The following ANGPTL2 variants were observed in gnomAD, a reference collection of about 807,000 sequenced individuals.
ANGPTL2 encodes the protein angiopoietin-related protein 2.
Under a neutral mutation model 52.8 loss-of-function variants are expected in ANGPTL2, and 25 were observed. That is an observed-to-expected ratio of 0.47 (90% CI 0.35 to 0.66). The LOEUF is 0.66. Among genes scored for constraint, ANGPTL2 ranks in the 30% least tolerant of loss-of-function variants. The pLI, the probability that ANGPTL2 is intolerant of heterozygous loss-of-function variation, is 0.01. For synonymous variants in ANGPTL2, 276 were observed against 277.4 expected (o/e 1.00, Z 0.05); for missense variants, 546 against 656.9 (o/e 0.83, Z 1.84).
chr9:127,108,260 G>T lies in ANGPTL2; in HGVS notation c.472C>A (p.Leu158Met). The T allele has an allele frequency of 1.9e-6, 3 of 1,614,042 alleles. No individual in the cohort carries two copies. The highest frequency in any genetic ancestry group is 1.7e-6 in the Non-Finnish European group (2 of 1,179,990). The stretch of plus-strand genomic sequence containing the variant: ...GTCTGGTTCAGGATCCTGTTCTCCA[G>T]CTGGGAGAGCTCCAACGCGTTGTCC... Reference protein sequence around the residue: ...KRDNALELSQLENRILNQTAD... With the variant: ...KRDNALELSQMENRILNQTAD... Residue 158 changes from leucine (L) to methionine (M), a missense_variant, in exon 2 of 5, where the codon CTG becomes ATG. Physicochemically the swap from Leu to Met is conservative, Grantham distance 15. Transcript: ENST00000373425.
intron 2 of ANGPTL2, among the ~76,000 whole-genome samples, chr9:127,097,454 C>CA (rs2053264849): frequency 6.6e-6 from 1 of 152,218 alleles, no homozygotes; most frequent in Non-Finnish European, 1.5e-5. Flanking sequence ...AATTCAAACA[C>CA]AATTTCCCTT....
rs148939606 is a variant in ANGPTL2 at position 127,116,546 on chromosome 9, C to G, written c.-50+5769G>C. ...GCTTCTGAGTTGGCTGCTGCATTTC[C>G]GGCAGTGCCTAGTGTGCTCTGGAGC... On this transcript the variant is annotated intron_variant, in intron 1 of 4. Coordinates refer to ENST00000373425, the MANE Select transcript of ANGPTL2 (RefSeq NM_012098.3). Among the ~76,000 whole-genome samples the G allele has an allele frequency of 4.0e-3, 614 of 152,340 alleles. 5 individuals are homozygous for G. The highest frequency in any genetic ancestry group is 0.013 in the African/African-American group (560 of 41,572).
rs774255661 is a variant in ANGPTL2, at chr9:127,108,119, G to T, written c.613C>A (p.Gln205Lys). 6.2e-7 allele frequency: 1 copy of T among 1,613,738 alleles called. No individual in the cohort carries two copies. The highest frequency in any genetic ancestry group is 8.5e-7 in the Non-Finnish European group (1 of 1,179,806). Residue 205 changes from glutamine (Q) to lysine (K), a missense_variant, in exon 2 of 5, where the codon CAG becomes AAG. This residue lies in a region of ANGPTL2 where 285 missense variants were observed against 295.8 expected (regional missense o/e 0.96). Coordinates refer to ENST00000373425, the MANE Select transcript of ANGPTL2 (RefSeq NM_012098.3). ...ACGGGCCTGGCCGAGGGCACCCTCT[G>T]GCAGTGCTCCTCAAGCTGCGCGATG... is the stretch of plus-strand genomic sequence containing the variant. ...EIIAQLEEHC[Q>K]RVPSARPVPQ...
chr9:127,097,249 G>A (rs2053230934), intron 2 of ANGPTL2, among the ~76,000 whole-genome samples: 2 of 152,200 alleles, frequency 1.3e-5, no homozygotes, highest in Admixed American at 6.5e-5. Flanking sequence ...TGTCTGTTAT[G>A]ATGTAGAAGA....
At chr9:127,115,685 A>G (rs554367504) in intron 1 of ANGPTL2, among the ~76,000 whole-genome samples, 3 of 152,368 alleles carry the variant, frequency 2.0e-5, no homozygotes, top group African/African-American at 7.2e-5. Context: ...AATGGCTGAG[A>G]TGCAGCTTGC....
intron 2 of ANGPTL2, 31 bp downstream of exon 2, chr9:127,107,884 C>T (rs777317658): frequency 3.8e-5 from 57 of 1,510,664 alleles, no homozygotes; most frequent in Non-Finnish European, 4.8e-5. Context: ...GCTCTGAGAC[C>T]CACATGTAAC....
At chr9:127,097,152 A>G (rs1041509583) in intron 2 of ANGPTL2, among the ~76,000 whole-genome samples, 2 of 152,240 alleles carry the variant, frequency 1.3e-5, no homozygotes, top group Non-Finnish European at 2.9e-5. Context: ...TTCTTTGTCG[A>G]GGTGTAAAAC....
intron 2 of ANGPTL2, among the ~76,000 whole-genome samples, chr9:127,102,897 G>A (rs182924564): frequency 4.6e-5 from 7 of 152,336 alleles, no homozygotes; most frequent in African/African-American, 1.4e-4. Context: ...ATTGTACAGT[G>A]GAAACAGCAC....
At chr9:127,102,099 C>T (rs928540720) in intron 2 of ANGPTL2, among the ~76,000 whole-genome samples, 1 of 152,138 alleles carries the variant, frequency 6.6e-6, no homozygotes, top group South Asian at 2.1e-4. Context: ...GTGTTCCCAT[C>T]AAGAGGTCTC....
intron 1 of ANGPTL2, among the ~76,000 whole-genome samples, chr9:127,113,434 A>C (rs1313082970): frequency 2.0e-5 from 3 of 147,092 alleles, no homozygotes; most frequent in Non-Finnish European, 4.5e-5. Flanking sequence ...AATGGGCAGT[A>C]ATAAGTTTGT....
intron 2 of ANGPTL2, among the ~76,000 whole-genome samples, chr9:127,102,324 C>T (rs772828735): frequency 2.2e-5 from 3 of 137,958 alleles, no homozygotes; most frequent in Non-Finnish European, 4.6e-5. Context: ...TAACTTAATA[C>T]TACTTTATTT....
chr9:127,104,626 C>T (rs957288714), intron 2 of ANGPTL2, among the ~76,000 whole-genome samples: 2 of 152,216 alleles, frequency 1.3e-5, no homozygotes, highest in Admixed American at 6.5e-5. Context: ...TCTCAGTAGG[C>T]CATCCTGGCC....
intron 2 of ANGPTL2, among the ~76,000 whole-genome samples, chr9:127,098,397 G>T (rs747090482): frequency 1.3e-5 from 2 of 152,098 alleles, no homozygotes; most frequent in Non-Finnish European, 2.9e-5. Context: ...CGAGTGCTGC[G>T]ACCTCATCTC....
chr9:127,117,791 T>C (rs1173460918), intron 1 of ANGPTL2, among the ~76,000 whole-genome samples: 1 of 152,242 alleles, frequency 6.6e-6, no homozygotes, highest in Non-Finnish European at 1.5e-5. Context: ...ACACAGCCTT[T>C]CCCTCATGGA....
intron 1 of ANGPTL2, among the ~76,000 whole-genome samples, chr9:127,117,647 G>A (rs1434484953): frequency 1.3e-5 from 2 of 152,218 alleles, no homozygotes; most frequent in Non-Finnish European, 2.9e-5. Flanking sequence ...GAATGGTGTG[G>A]CACCCTGGGG....
chr9:127,089,918 AG>A (rs1285971343), intron 4 of ANGPTL2, among the ~76,000 whole-genome samples: 1 of 152,172 alleles, frequency 6.6e-6, no homozygotes, highest in Non-Finnish European at 1.5e-5. Context: ...GGGCCTGGCA[AG>A]GGGACCCCGT....
intron 2 of ANGPTL2, among the ~76,000 whole-genome samples, chr9:127,106,604 A>G (rs2054238887): frequency 1.3e-5 from 2 of 152,204 alleles, no homozygotes; most frequent in Admixed American, 6.5e-5. Context: ...TGGAAACCGG[A>G]TTTAAATCCA....
Position 127,107,897 on chromosome 9 carries a change from G to A in ANGPTL2, c.817+18C>T, listed in dbSNP as rs375862069. On this transcript the variant is annotated intron_variant, in intron 2 of 4. Coordinates refer to ENST00000373425, the MANE Select transcript of ANGPTL2 (RefSeq NM_012098.3). ...TGGCTCTGAGACCCACATGTAACAC[G>A]ATCCCAGAAGCACTTACCCGACGGC... The A allele has an allele frequency of 1.1e-5, 17 of 1,517,028 alleles. No individual in the cohort carries two copies. The highest frequency in any genetic ancestry group is 8.3e-5 in the African/African-American group (6 of 72,028). 94.0% of individuals were successfully genotyped at this position (1,517,028 alleles called of 1,614,324 possible). A position where few individuals can be genotyped will look rare whatever the true frequency, so the allele number is the denominator to read the frequency against.
chr9:127,110,739 G>A (rs895746240), intron 1 of ANGPTL2, among the ~76,000 whole-genome samples: 4 of 152,076 alleles, frequency 2.6e-5, no homozygotes, highest in South Asian at 4.1e-4. Context: ...CATCCTAGAC[G>A]CCTTTCTTTC....
Sources: allele counts gnomAD v4.1 joint callset (sites outside exome capture counted in the v4.1 genomes callset), GRCh38; gene constraint gnomAD v4.1.1; regional missense constraint gnomAD v4.1.1; transcripts MANE v1.5; gene names NCBI Gene and HGNC (gene_info 2026-07-23, HGNC 2026-07-21).